Variants in CTNNA2 observed in about 807,000 individuals in gnomAD.
CTNNA2 encodes catenin alpha-2.
A neutral mutation model predicts 101.0 loss-of-function variants in CTNNA2; 42 were observed. The ratio of observed to expected loss-of-function variants is 0.42; its 90% CI spans 0.32 to 0.54. CTNNA2 has a LOEUF of 0.54. Ranked by LOEUF, CTNNA2 falls within the 20% of genes least tolerant of loss-of-function variation. The probability of loss-of-function intolerance (pLI) is 0.14; values close to 1 mark genes in which losing one functional copy is unlikely to be tolerated. For missense variants in CTNNA2, 871 were observed against 1,223.1 expected, an observed-to-expected ratio of 0.71 and a Z score of 4.29; for synonymous variants, 450 against 456.4, an observed-to-expected ratio of 0.99 and a Z score of 0.18.
intron 2 of CTNNA2, among the ~76,000 whole-genome samples, chr2:79,262,731 A>G (rs1240141722): frequency 6.6e-6 from 1 of 152,180 alleles, no homozygotes; most frequent in African/African-American, 2.4e-5. Context: ...CCTCCAGGTG[A>G]TTCTGACACC....
chr2:79,780,216 T>C (rs4852521), intron 3 of CTNNA2, among the ~76,000 whole-genome samples: 10,335 of 152,260 alleles, frequency 0.068, 622 homozygotes, highest in South Asian at 0.2. Context: ...TAATTGATGC[T>C]TTATGTATCC....
intron 7 of CTNNA2, among the ~76,000 whole-genome samples, chr2:80,160,846 A>G (rs1305835822): frequency 6.6e-6 from 1 of 151,950 alleles, no homozygotes; most frequent in East Asian, 1.9e-4. Context: ...TTCCAATCTT[A>G]TAGGAAAATC....
intron 4 of CTNNA2, among the ~76,000 whole-genome samples, chr2:79,375,728 T>C (rs1470131894): frequency 1.3e-5 from 2 of 152,166 alleles, no homozygotes; most frequent in African/African-American, 2.4e-5. Flanking sequence ...TTAAATCCTT[T>C]GAGCTTCTAA....
intron 4 of CTNNA2, among the ~76,000 whole-genome samples, chr2:79,504,903 A>G (rs1378897768): frequency 3.3e-5 from 5 of 152,200 alleles, no homozygotes; most frequent in South Asian, 2.1e-4. Context: ...TCATAATTCT[A>G]TGGTTGGGGA....
intron 2 of CTNNA2, among the ~76,000 whole-genome samples, chr2:79,308,986 A>G (rs995656865): frequency 2.0e-5 from 3 of 152,018 alleles, no homozygotes; most frequent in South Asian, 4.1e-4. Context: ...TTGCCTATCA[A>G]TCTCCTTCCT....
chr2:79,629,847 G>T (rs957736142), intron 1 of CTNNA2, among the ~76,000 whole-genome samples: 6 of 152,124 alleles, frequency 3.9e-5, no homozygotes, highest in Non-Finnish European at 4.4e-5. Flanking sequence ...TGGAGAGGCT[G>T]TCCCTCCAGA....
chr2:79,390,965 G>T (rs1678165733), intron 4 of CTNNA2, among the ~76,000 whole-genome samples: 2 of 152,126 alleles, frequency 1.3e-5, no homozygotes, highest in Non-Finnish European at 2.9e-5. Context: ...TTAAGGAGGG[G>T]TCCAGAGAAA....
intron 14 of CTNNA2, among the ~76,000 whole-genome samples, chr2:80,582,567 A>G (rs1363698917): frequency 1.3e-5 from 2 of 152,164 alleles, no homozygotes; most frequent in Non-Finnish European, 2.9e-5. Flanking sequence ...GATTTGCTGT[A>G]TCACCCAGAG....
intron 7 of CTNNA2, among the ~76,000 whole-genome samples, chr2:80,256,991 CCT>C (rs1464344303): frequency 3.3e-5 from 5 of 152,132 alleles, no homozygotes; most frequent in Non-Finnish European, 7.4e-5. Flanking sequence ...GGAAGGATGA[CCT>C]CACTTTAACC....
At chr2:79,319,173 C>G (rs1676562063) in intron 3 of CTNNA2, among the ~76,000 whole-genome samples, 1 of 152,156 alleles carries the variant, frequency 6.6e-6, no homozygotes, top group African/African-American at 2.4e-5. Context: ...TTTTCAAAAC[C>G]CATTATACAC....
chr2:79,235,919 G>A (rs1310968778), intron 2 of CTNNA2, among the ~76,000 whole-genome samples: 6 of 152,132 alleles, frequency 3.9e-5, no homozygotes. Context: ...GTTTTCTGGG[G>A]CAACAGGACG....
intron 1 of CTNNA2, among the ~76,000 whole-genome samples, chr2:79,582,671 A>G (rs1470048603): frequency 3.3e-5 from 5 of 152,154 alleles, no homozygotes; most frequent in Non-Finnish European, 7.4e-5. Context: ...TGGAATCAGA[A>G]TCCATCCAAG....
intron 4 of CTNNA2, among the ~76,000 whole-genome samples, chr2:79,428,718 T>C (rs1455960012): frequency 6.6e-6 from 1 of 152,064 alleles, no homozygotes; most frequent in African/African-American, 2.4e-5. Flanking sequence ...CATGAGGCTG[T>C]TGAAAAAAAA....
chr2:79,977,635 A>T lies in CTNNA2; in HGVS notation c.1056+67838A>T, dbSNP rs373192080. On this transcript the variant is annotated intron_variant, in intron 7 of 18. Transcript: ENST00000402739. ...GCATAGTTTTAAATAGTGCATTATA[A>T]TACAAACATACTAACACTAATTGGG... 1.5e-4 allele frequency among the ~76,000 whole-genome samples: 23 copies of T among 152,302 alleles called. No homozygotes were observed. The East Asian group carries it at 3.5e-3, about 23-fold the overall frequency.
At chr2:79,660,679 G>T (rs1395915892) in intron 2 of CTNNA2, among the ~76,000 whole-genome samples, 1 of 152,014 alleles carries the variant, frequency 6.6e-6, no homozygotes, top group Admixed American at 6.6e-5. Flanking sequence ...ATTAACCAGT[G>T]TGTAGTCTGG....
rs1685149695 is a variant in CTNNA2, at chr2:79,703,532, C to A, written c.103-40855C>A. On this transcript the variant is annotated intron_variant, in intron 2 of 18. Coordinates refer to ENST00000402739, the MANE Select transcript of CTNNA2 (RefSeq NM_001282597.3). Reference sequence around the variant, plus strand: ...GGTGCCAATGTTCATATTTCCCCTGCATTTTTACAGTTAGAATGTTAAATT... The same window carrying A: ...GGTGCCAATGTTCATATTTCCCCTGAATTTTTACAGTTAGAATGTTAAATT... Among the ~76,000 whole-genome samples, 4 of 152,278 alleles carry A rather than the reference C, an allele frequency of 2.6e-5. No individual in the cohort carries two copies. The South Asian group carries it at 8.3e-4, about 32-fold the overall frequency.
rs547245898 is a variant in CTNNA2 at position 80,274,226 on chromosome 2, T to C, written c.1057-118985T>C. 7.2e-5 allele frequency among the ~76,000 whole-genome samples: 11 copies of C among 152,318 alleles called. No individual in the cohort carries two copies. The East Asian group carries it at 1.2e-3, about 16-fold the overall frequency. On this transcript the variant is annotated intron_variant, in intron 7 of 18. Transcript: ENST00000402739. ...GAACAGTTGGATAGGCAGGTCATTA[T>C]GAGGCCTTTGGTTGTCTGAAGACGT...
chr2:79,214,463 A>G (rs896404700), intron 2 of CTNNA2, among the ~76,000 whole-genome samples: 8 of 152,108 alleles, frequency 5.3e-5, no homozygotes, highest in African/African-American at 1.2e-4. Flanking sequence ...TAAAATGGGG[A>G]AATTGTAAGG....
At chr2:79,296,428 TAGG>T (rs1325149425) in intron 2 of CTNNA2, among the ~76,000 whole-genome samples, 8 of 152,344 alleles carry the variant, frequency 5.3e-5, no homozygotes, top group African/African-American at 1.9e-4. Flanking sequence ...GCTGGGATAG[TAGG>T]AGTTGAATAT....
Sources: allele counts gnomAD v4.1 joint callset (sites outside exome capture counted in the v4.1 genomes callset), GRCh38; gene constraint gnomAD v4.1.1; transcripts MANE v1.5; gene names NCBI Gene and HGNC (gene_info 2026-07-23, HGNC 2026-07-21).